Variants in MEGF10 observed in about 807,000 individuals in gnomAD.
MEGF10 encodes multiple EGF like domains 10.
In MEGF10, 86 loss-of-function variants were observed where a neutral mutation model predicts 147.5. The observed-to-expected ratio is 0.58, with a 90% CI of 0.49 to 0.70. MEGF10 has a LOEUF of 0.70. Among genes scored for constraint, MEGF10 ranks in the 30% least tolerant of loss-of-function variants. The pLI is 0.00. For missense variants in MEGF10, 1,329 were observed against 1,487.3 expected, an observed-to-expected ratio of 0.89 and a Z score of 1.75; for synonymous variants, 478 against 525.5, an observed-to-expected ratio of 0.91 and a Z score of 1.24.
chr5:127,358,551 T>C (rs1027369096), intron 4 of MEGF10, among the ~76,000 whole-genome samples: 7 of 152,156 alleles, frequency 4.6e-5, no homozygotes, highest in African/African-American at 1.4e-4. Context: ...AATGCCATTC[T>C]AAAAACAGAA....
At chr5:127,264,383 A>T in the MEGF10 span, among the ~76,000 whole-genome samples, 13 of 152,144 alleles carry the variant, frequency 8.5e-5, no homozygotes, top group Non-Finnish European at 7.4e-5. Flanking sequence ...TGTACTTTTG[A>T]TTGTTACATT....
intron 1 of MEGF10, among the ~76,000 whole-genome samples, chr5:127,308,317 G>A (rs2126729214): frequency 6.6e-6 from 1 of 152,244 alleles, no homozygotes; most frequent in Non-Finnish European, 1.5e-5. Flanking sequence ...AAATTCCTTA[G>A]AACTTTTCTG....
At chr5:127,305,889 C>T (rs1186707201) in intron 1 of MEGF10, among the ~76,000 whole-genome samples, 2 of 152,226 alleles carry the variant, frequency 1.3e-5, no homozygotes, top group Non-Finnish European at 2.9e-5. Flanking sequence ...TTGAATTATA[C>T]TGCATTGCTA....
At chr5:127,440,601 T>C (rs899917086) in intron 17 of MEGF10, 138 bp from the exon 18 acceptor site, 8 of 845,800 alleles carry the variant, frequency 9.5e-6, no homozygotes, top group Middle Eastern at 7.4e-4. Flanking sequence ...TGTGGCAAGC[T>C]CAGATATGTA....
chr5:127,418,618 C>A lies in MEGF10; in HGVS notation c.1306-502C>A, dbSNP rs1990955. Among the ~76,000 whole-genome samples, 32 of 152,266 alleles carry A rather than the reference C, an allele frequency of 2.1e-4. 2 individuals are homozygous for A. In the South Asian group the frequency reaches 6.0e-3, roughly 29 times the overall value. ...GTTGCCTTTGGTAGCTTAATTCTGC[C>A]TTTAATGCTCCCTGTCGGATAAAGT... On this transcript the variant is annotated intron_variant, in intron 10 of 24. Coordinates refer to ENST00000503335, the MANE Select transcript of MEGF10 (RefSeq NM_001256545.2).
the MEGF10 span, among the ~76,000 whole-genome samples, chr5:127,248,323 T>C: frequency 9.2e-5 from 14 of 151,962 alleles, no homozygotes; most frequent in African/African-American, 3.4e-4. Flanking sequence ...ACATTTTATG[T>C]GCAATAGAAA....
chr5:127,256,236 C>T, the MEGF10 span, among the ~76,000 whole-genome samples: 2 of 152,114 alleles, frequency 1.3e-5, no homozygotes, highest in African/African-American at 4.8e-5. Context: ...AAAAAATTTC[C>T]TCCAATCTAT....
At chr5:127,377,446 G>A (rs535628893) in intron 5 of MEGF10, among the ~76,000 whole-genome samples, 3 of 151,938 alleles carry the variant, frequency 2.0e-5, no homozygotes, top group African/African-American at 7.3e-5. Flanking sequence ...AATTAGCTTT[G>A]GTCTAGAAAC....
At chr5:127,342,103 A>T (rs1412151365) in intron 4 of MEGF10, among the ~76,000 whole-genome samples, 1 of 152,226 alleles carries the variant, frequency 6.6e-6, no homozygotes, top group Non-Finnish European at 1.5e-5. Context: ...TTCTTTGATT[A>T]ATAATGATGC....
intron 9 of MEGF10, among the ~76,000 whole-genome samples, chr5:127,412,980 A>G (rs1460503767): frequency 1.3e-5 from 2 of 152,218 alleles, no homozygotes; most frequent in Non-Finnish European, 1.5e-5. Context: ...AACAGAAGAC[A>G]GTACAGACCC....
chr5:127,429,238 T>G (rs890369006), intron 13 of MEGF10, among the ~76,000 whole-genome samples: 1 of 152,234 alleles, frequency 6.6e-6, no homozygotes, highest in Non-Finnish European at 1.5e-5. Context: ...ATATAATTCC[T>G]TTATGGCCTA....
In MEGF10 at chr5:127,339,727, G is replaced by A. The variant is rs114767881; in HGVS notation, c.218+506G>A. Among the ~76,000 whole-genome samples the A allele has an allele frequency of 7.8e-3, 1,194 of 152,214 alleles. 9 individuals carry two copies. The highest frequency in any genetic ancestry group is 9.2e-3 in the Non-Finnish European group (629 of 68,000). ...CTCTGATGCCCTAATTTTATTGGTAGTATACTAACATTTATAGTGTATGAG... is the reference window on the plus strand; with the variant it reads ...CTCTGATGCCCTAATTTTATTGGTAATATACTAACATTTATAGTGTATGAG... On this transcript the variant is annotated intron_variant, in intron 3 of 24. Transcript: ENST00000503335.
At chr5:127,454,472 A>T in intron 22 of MEGF10, 94 bp from the exon 23 acceptor site, 2 of 1,065,598 alleles carry the variant, frequency 1.9e-6, no homozygotes, top group Non-Finnish European at 2.8e-6. Context: ...TGTTTGCTGC[A>T]GTGGGAGATC....
chr5:127,296,148 C>T (rs897697420), intron 1 of MEGF10, among the ~76,000 whole-genome samples: 2 of 152,100 alleles, frequency 1.3e-5, no homozygotes, highest in Non-Finnish European at 2.9e-5. Context: ...AAGGATTTCT[C>T]ATACTATGAG....
At position 127,445,495 on chromosome 5, in the gene MEGF10, C is replaced by T. The variant is rs1765909318; in HGVS notation, c.2530C>T (p.Arg844Ter). The T allele has an allele frequency of 1.2e-6, 2 of 1,614,042 alleles. No individual in the cohort carries two copies. The highest frequency in any genetic ancestry group is 1.7e-6 in the Non-Finnish European group (2 of 1,179,970). ...IIVGNLNSLS[R>*]TSTALPADSY... ...AGTTGGAAATCTGAACAGCTTAAGC[C>T]GAACCAGTACTGCTCTCCCTGCTGA... Residue 844 changes from arginine (R) to a stop codon, truncating the protein, a stop_gained, in exon 20 of 25, where the codon CGA becomes TGA. Transcript: ENST00000503335. LOFTEE classifies it high-confidence loss of function.
the MEGF10 span, among the ~76,000 whole-genome samples, chr5:127,247,460 A>G: frequency 8.6e-4 from 121 of 140,532 alleles, 4 homozygotes; most frequent in Admixed American, 4.5e-3. Flanking sequence ...AAGAAGAAGA[A>G]GAAGAAGAAG....
At chr5:127,239,496 C>T in the MEGF10 span, among the ~76,000 whole-genome samples, 1 of 144,556 alleles carries the variant, frequency 6.9e-6, no homozygotes, top group African/African-American at 2.6e-5. Flanking sequence ...CACACACACA[C>T]ACAGTTTTAC....
intron 6 of MEGF10, among the ~76,000 whole-genome samples, 173 bp downstream of exon 6, chr5:127,396,951 G>T (rs985613589): frequency 6.6e-6 from 1 of 152,208 alleles, no homozygotes; most frequent in Non-Finnish European, 1.5e-5. Context: ...ACTAGGTGCT[G>T]CTGCTGTTTG....
rs891426921 is a variant in MEGF10, at chr5:127,339,836, T to G, written c.218+615T>G. Reference sequence around the variant, plus strand: ...GTCATTTCTTCACACAAGCTGGCCTTGGCCACTCTGTGTAAATTAGCATTT... The same window carrying G: ...GTCATTTCTTCACACAAGCTGGCCTGGGCCACTCTGTGTAAATTAGCATTT... On this transcript the variant is annotated intron_variant, in intron 3 of 24. Transcript: ENST00000503335. 1.6e-4 allele frequency among the ~76,000 whole-genome samples: 25 copies of G among 152,308 alleles called. No homozygotes were observed. The South Asian group carries it at 1.7e-3, about 10-fold the overall frequency.
Sources: gnomAD v4.1 joint callset for allele counts (sites outside exome capture counted in the v4.1 genomes callset) on GRCh38, gnomAD v4.1.1 for gene constraint, MANE v1.5 for transcripts, NCBI Gene and HGNC (gene_info 2026-07-23, HGNC 2026-07-21) for gene names.